MEGF8: variants seen among roughly 807,000 people sequenced by gnomAD.
The protein encoded by MEGF8 is multiple EGF like domains 8.
A neutral mutation model predicts 302.9 loss-of-function variants in MEGF8; 156 were observed. The ratio of observed to expected loss-of-function variants is 0.52; its 90% CI spans 0.45 to 0.59. The LOEUF is 0.59. Among genes scored for constraint, MEGF8 ranks in the 20% least tolerant of loss-of-function variants. The probability of loss-of-function intolerance (pLI) is 0.00; values close to 1 mark genes in which losing one functional copy is unlikely to be tolerated. For missense variants in MEGF8, 3,345 were observed against 3,964.5 expected (o/e 0.84, Z 4.20); for synonymous variants, 1,621 against 1,660.5 (o/e 0.98, Z 0.58).
In MEGF8 at chr19:42,358,933, A is replaced by T; in HGVS notation, c.5322A>T (p.Glu1774Asp). 6.2e-7 allele frequency: 1 copy of T among 1,611,158 alleles called. No individual in the cohort carries two copies. The highest frequency in any genetic ancestry group is 8.5e-7 in the Non-Finnish European group (1 of 1,178,866). The change falls in exon 30 of 42, where the codon GAA becomes GAT. Residue 1774 changes from glutamate to aspartate, a missense_variant. Transcript: ENST00000251268. This position sits in a 1 kb window ranked among gnomAD's most constrained non-coding sequence, Gnocchi z 4.4. The part of the protein sequence containing the change: ...ALAGTGGFLE[E>D]ISPHLKEPRP... Reference sequence around the variant, plus strand: ...CTGGTACAGGAGGTTTCCTGGAGGAAATCTCACCTCACCTGAAGGAGGTGA... The same window carrying T: ...CTGGTACAGGAGGTTTCCTGGAGGATATCTCACCTCACCTGAAGGAGGTGA...
intron 1 of MEGF8, 45 bp downstream of exon 1, chr19:42,326,475 A>G (rs1371170260): frequency 6.7e-7 from 1 of 1,488,944 alleles, no homozygotes; most frequent in Non-Finnish European, 8.9e-7. Context: ...CTGGTAGTTC[A>G]TTCATGTGTG....
In MEGF8 at chr19:42,353,492, G is replaced by T; in HGVS notation, c.3578G>T (p.Arg1193Leu). ...TGGACATGGGGGGAGCACTGCGAAC[G>T]ATGCCGGCCCGGCAGCTTCGGCAAC... ...QDWTWGEHCERCRPGSFGNAT... is the reference protein window; with the variant it reads ...QDWTWGEHCELCRPGSFGNAT... Residue 1193 changes from arginine (R) to leucine (L), a missense_variant, in exon 21 of 42, where the codon CGA becomes CTA. Arg to Leu is a moderately radical substitution (Grantham distance 102). Coordinates refer to ENST00000251268, the MANE Select transcript of MEGF8 (RefSeq NM_001271938.2). The surrounding 1 kb of genome is among the most constrained non-coding windows in gnomAD (Gnocchi z 6.1). 11 of 1,610,914 alleles carry T rather than the reference G, an allele frequency of 6.8e-6. No individual in the cohort carries two copies. Among genetic ancestry groups the T allele is most frequent in the African/African-American group, 1.3e-5 (1 of 75,028 alleles).
Position 42,335,932 on chromosome 19 carries a change from CT to C in MEGF8, c.831del (p.Ala278ProfsTer16). The C allele has an allele frequency of 6.8e-7, 1 of 1,464,286 alleles. No homozygotes were observed. The highest frequency in any genetic ancestry group is 9.0e-7 in the Non-Finnish European group (1 of 1,107,886). The allele number at this position is 1,464,286 out of a possible 1,614,324, so 90.7% of individuals were successfully genotyped here. A position where few individuals can be genotyped will look rare whatever the true frequency, so the allele number is the denominator to read the frequency against. ...CTGTCTCTTTTCTCTTCCTCACAGG[CT>C]GCCCGTCACTCCCATGTGGCCGTGG... ...WESWDLSPAP[A>X]ARHSHVAVAW... On this transcript the variant is annotated frameshift_variant and splice_region_variant, in exon 6 of 42. Transcript: ENST00000251268. LOFTEE classifies it high-confidence loss of function.
At chr19:42,371,619 C>T in intron 41 of MEGF8, 137 bp downstream of exon 41, 1 of 1,213,318 alleles carries the variant, frequency 8.2e-7, no homozygotes. Flanking sequence ...TGCAGCTTGA[C>T]AGACTGTTCC....
Position 42,369,040 on chromosome 19 carries a change from G to T in MEGF8, c.6641+38G>T, listed in dbSNP as rs369195463. 1.2e-6 allele frequency: 2 copies of T among 1,605,820 alleles called. No individual in the cohort carries two copies. The highest frequency in any genetic ancestry group is 2.2e-5 in the South Asian group (2 of 90,606). Reference sequence around the variant, plus strand: ...GCGGCGCTGGGGCCAGGCAGGCTAGGGTGGGAGAGTCTGTGGGGAGCAGTA... The same window carrying T: ...GCGGCGCTGGGGCCAGGCAGGCTAGTGTGGGAGAGTCTGTGGGGAGCAGTA... On this transcript the variant is annotated intron_variant, in intron 37 of 41. Transcript: ENST00000251268. The surrounding 1 kb of genome is among the most constrained non-coding windows in gnomAD (Gnocchi z 5.7).
At position 42,351,535 on chromosome 19, in the gene MEGF8, G is replaced by T; in HGVS notation, c.2962G>T (p.Gly988Trp). ...TGCCTACTTGGCCCGGTACCCACAC[G>T]GGGGCTGTCGAGGCTGGGACGACAG... Reference protein sequence around the residue: ...FAAYLARYPHGGCRGWDDSVH... With the variant: ...FAAYLARYPHWGCRGWDDSVH... Residue 988 changes from glycine to tryptophan, a missense_variant, in exon 17 of 42, where the codon GGG (glycine) becomes TGG (tryptophan). Transcript: ENST00000251268. The surrounding 1 kb of genome is among the most constrained non-coding windows in gnomAD (Gnocchi z 5.6). 1 of 1,609,382 alleles carries T rather than the reference G, an allele frequency of 6.2e-7. No homozygotes were observed. The highest frequency in any genetic ancestry group is 2.2e-5 in the East Asian group (1 of 44,684).
Position 42,351,609 on chromosome 19 carries a change from G to T in MEGF8, c.2988-39G>T. 6.3e-7 allele frequency: 1 copy of T among 1,598,990 alleles called. No individual in the cohort carries two copies. On this transcript the variant is annotated intron_variant, in intron 17 of 41. Coordinates refer to ENST00000251268, the MANE Select transcript of MEGF8 (RefSeq NM_001271938.2). The surrounding 1 kb of genome is among the most constrained non-coding windows in gnomAD (Gnocchi z 5.6). ...ACAGAGGAAGATTCCCCACCGGCAA[G>T]GGGCTGGGGCTCTGACCCCCACCCC...
rs140517402 is a variant in MEGF8 at position 42,376,023 on chromosome 19, C to T, written c.7786C>T (p.Leu2596=). Reference sequence around the variant, plus strand: ...GGTGGTCCGCGGCGTGCGGGACCGGCTGGTCATCACCTACCCACACGAGCA... The same window carrying T: ...GGTGGTCCGCGGCGTGCGGGACCGGTTGGTCATCACCTACCCACACGAGCA... ...VLVVRGVRDR[L]VITYPHEHHA... Residue 2596 remains leucine, a synonymous_variant, in exon 42 of 42, where the codon CTG becomes TTG. Coordinates refer to ENST00000251268, the MANE Select transcript of MEGF8 (RefSeq NM_001271938.2). The surrounding 1 kb of genome is among the most constrained non-coding windows in gnomAD (Gnocchi z 8.2). 1.6e-5 allele frequency: 25 copies of T among 1,604,934 alleles called. No homozygotes were observed. The highest frequency in any genetic ancestry group is 1.8e-5 in the Non-Finnish European group (21 of 1,177,588).
intron 1 of MEGF8, among the ~76,000 whole-genome samples, chr19:42,330,682 C>T (rs1482647945): frequency 6.6e-6 from 1 of 152,212 alleles, no homozygotes; most frequent in Non-Finnish European, 1.5e-5. Flanking sequence ...GGAATTAGGT[C>T]CACATCCAGG....
In MEGF8 at chr19:42,344,832, AGGT is replaced by A. The variant is rs760923174; in HGVS notation, c.2097+2_2097+4del. ...CCGCCCAATACCTCCCAGCCTGACAAGGTGGGTAGGAGGCGTGGCCCTGGGTGG... is the reference window on the plus strand; with the variant it reads ...CCGCCCAATACCTCCCAGCCTGACAAGGGTAGGAGGCGTGGCCCTGGGTGG... On this transcript the variant is annotated splice_donor_variant and coding_sequence_variant, in exon 12 of 42. Transcript: ENST00000251268. LOFTEE classifies it high-confidence loss of function. The surrounding 1 kb of genome is among the most constrained non-coding windows in gnomAD (Gnocchi z 4.5). 1 of 1,566,090 alleles carries A rather than the reference AGGT, an allele frequency of 6.4e-7. No homozygotes were observed. The highest frequency in any genetic ancestry group is 8.7e-7 in the Non-Finnish European group (1 of 1,153,652).
In MEGF8 at chr19:42,354,029, G is replaced by A. The variant is rs1458819046; in HGVS notation, c.4011+5G>A. 7 of 1,584,698 alleles carry A rather than the reference G, an allele frequency of 4.4e-6. No homozygotes were observed. Among genetic ancestry groups the A allele is most frequent in the African/African-American group, 1.4e-5 (1 of 73,900 alleles). On this transcript the variant is annotated splice_donor_5th_base_variant and intron_variant, in intron 22 of 41. Transcript: ENST00000251268. This position sits in a 1 kb window ranked among gnomAD's most constrained non-coding sequence, Gnocchi z 4.3. ...GACAGCAGCACCCCCTGCACGGTGA[G>A]CACTGAGGAAACGAGGGTTCAGGCG... is the stretch of plus-strand genomic sequence containing the variant.
In MEGF8 at chr19:42,360,885, C is replaced by T. The variant is rs373998831; in HGVS notation, c.5599C>T (p.Leu1867=). 8.1e-6 allele frequency: 13 copies of T among 1,613,392 alleles called. No homozygotes were observed. In the African/African-American group the frequency reaches 1.6e-4, roughly 20 times the overall value. The part of the protein sequence containing the change: ...GGFGGVALGR[L]LALTLPPDPC... ...TTTCGGGGGAGTGGCCCTGGGCCGC[C>T]TGCTGGCACTGACCCTGCCCCCTGA... The change falls in exon 32 of 42, where the codon CTG becomes TTG. Residue 1867 remains leucine (L), a synonymous_variant. Transcript: ENST00000251268.
Position 42,375,837 on chromosome 19 carries a change from C to T in MEGF8, c.7600C>T (p.Pro2534Ser). 1.9e-6 allele frequency: 3 copies of T among 1,610,624 alleles called. No homozygotes were observed. The highest frequency in any genetic ancestry group is 8.5e-7 in the Non-Finnish European group (1 of 1,179,072). Residue 2534 changes from proline to serine, a missense_variant, in exon 42 of 42, where the codon CCT becomes TCT. Pro to Ser is a moderately conservative substitution (Grantham distance 74). Transcript: ENST00000251268. The surrounding 1 kb of genome is among the most constrained non-coding windows in gnomAD (Gnocchi z 7.1). ...VHIQPPPAPP[P>S]PPPPADGGPR... ...CATCCAGCCACCCCCAGCCCCACCA[C>T]CTCCACCACCCCCTGCAGATGGTGG...
chr19:42,368,337 A>G lies in MEGF8; in HGVS notation c.6274-118A>G, dbSNP rs1483241345. The G allele has an allele frequency of 3.4e-6, 3 of 873,970 alleles. No individual in the cohort carries two copies. The highest frequency in any genetic ancestry group is 5.2e-6 in the Non-Finnish European group (3 of 577,144). The allele number at this position is 873,970 out of a possible 1,614,324, so 54.1% of individuals were successfully genotyped here. A position where few individuals can be genotyped will look rare whatever the true frequency, so the allele number is the denominator to read the frequency against. On this transcript the variant is annotated intron_variant, in intron 35 of 41. Coordinates refer to ENST00000251268, the MANE Select transcript of MEGF8 (RefSeq NM_001271938.2). The surrounding 1 kb of genome is among the most constrained non-coding windows in gnomAD (Gnocchi z 4.9). ...TGTCCACTTTGCTCTACCTGTGGCC[A>G]GGGAGGGGTGAGACCTCAAAGAGGG...
At position 42,358,140 on chromosome 19, in the gene MEGF8, C is replaced by G. The variant is rs762570030; in HGVS notation, c.5012-4C>G. 7.0e-6 allele frequency: 11 copies of G among 1,571,396 alleles called. 1 individual carries two copies. In the South Asian group the frequency reaches 1.2e-4, roughly 17 times the overall value. ...CCCCAGCCTGTCACCCTGCCCCTCA[C>G]CAGGTCTCTATGGTCACTCTGCTGT... On this transcript the variant is annotated splice_region_variant and splice_polypyrimidine_tract_variant and intron_variant, in intron 28 of 41. Coordinates refer to ENST00000251268, the MANE Select transcript of MEGF8 (RefSeq NM_001271938.2). The surrounding 1 kb of genome is among the most constrained non-coding windows in gnomAD (Gnocchi z 4.4).
Position 42,368,859 on chromosome 19 carries a change from T to G in MEGF8, c.6498T>G (p.Arg2166=), listed in dbSNP as rs1395825795. Residue 2166 remains arginine (R), a synonymous_variant, in exon 37 of 42, where the codon CGT becomes CGG. Transcript: ENST00000251268. The surrounding 1 kb of genome is among the most constrained non-coding windows in gnomAD (Gnocchi z 4.9). ...SGPRDGLTCG[R]PGASWAFLSC... ...CGGTGCTAGGGCTGACATGTGGGCG[T>G]CCGGGGGCCTCCTGGGCCTTCCTGT... The G allele has an allele frequency of 1.2e-6, 2 of 1,613,612 alleles. No homozygotes were observed. The highest frequency in any genetic ancestry group is 3.3e-5 in the Admixed American group (2 of 59,998).
Position 42,354,696 on chromosome 19 carries a change from C to G in MEGF8, c.4120C>G (p.Pro1374Ala). The G allele has an allele frequency of 1.2e-6, 2 of 1,608,464 alleles. No homozygotes were observed. Among genetic ancestry groups the G allele is most frequent in the Non-Finnish European group, 8.5e-7 (1 of 1,179,564 alleles). ...CTTCTGCGGCCAGCGACGGGACAGG[C>G]CCCTCACTGTTCAGGCCCTGTCTGG... Reference protein sequence around the residue: ...AAFCGQRRDRPLTVQALSGLL... With the variant: ...AAFCGQRRDRALTVQALSGLL... The change falls in exon 23 of 42, where the codon CCC becomes GCC. Residue 1374 changes from proline (P) to alanine (A), a missense_variant. Pro to Ala is a conservative substitution (Grantham distance 27). Coordinates refer to ENST00000251268, the MANE Select transcript of MEGF8 (RefSeq NM_001271938.2). The surrounding 1 kb of genome is among the most constrained non-coding windows in gnomAD (Gnocchi z 4.3).
chr19:42,370,140 C>A, intron 38 of MEGF8, 49 bp from the exon 39 acceptor site: 1 of 1,561,704 alleles, frequency 6.4e-7, no homozygotes, highest in Non-Finnish European at 8.6e-7. Context: ...CGCCCTCCTA[C>A]CCCTGATGAC....
At chr19:42,332,549 G>A (rs1285129891) in intron 1 of MEGF8, among the ~76,000 whole-genome samples, 1 of 152,108 alleles carries the variant, frequency 6.6e-6, no homozygotes, top group Non-Finnish European at 1.5e-5. Flanking sequence ...TGTATTTTTA[G>A]TAGAGACGGG....
Sources: gnomAD v4.1 joint callset for allele counts (sites outside exome capture counted in the v4.1 genomes callset) on GRCh38, gnomAD v4.1.1 for gene constraint, Gnocchi (gnomAD v3.1) non-coding constraint, MANE v1.5 for transcripts, NCBI Gene and HGNC (gene_info 2026-07-23, HGNC 2026-07-21) for gene names.